The following MAF variants were observed in gnomAD, a reference collection of about 807,000 sequenced individuals.
The protein encoded by MAF is transcription factor Maf.
Under a neutral mutation model 22.0 loss-of-function variants are expected in MAF, and 10 were observed. That is an observed-to-expected ratio of 0.45 (90% CI 0.28 to 0.77). MAF has a LOEUF of 0.77. Ranked by LOEUF, MAF falls within the 30% of genes least tolerant of loss-of-function variation. The pLI is 0.12. For missense variants in MAF, 544 were observed against 548.4 expected (o/e 0.99, Z 0.08); for synonymous variants, 337 against 255.8 (o/e 1.32, Z -3.03).
At chr16:79,384,705 C>G in the MAF span, among the ~76,000 whole-genome samples, 1 of 151,998 alleles carries the variant, frequency 6.6e-6, no homozygotes, top group Admixed American at 6.5e-5. Flanking sequence ...TGCAGTGAGC[C>G]AAGACCACGC....
the MAF span, among the ~76,000 whole-genome samples, chr16:79,545,907 G>A: frequency 1.9e-4 from 29 of 151,828 alleles, no homozygotes; most frequent in African/African-American, 6.8e-4. Flanking sequence ...TCACTACCAA[G>A]AAAAAAATAA....
chr16:79,319,029 C>T, the MAF span, among the ~76,000 whole-genome samples: 12 of 151,986 alleles, frequency 7.9e-5, no homozygotes, highest in South Asian at 4.2e-4. Context: ...CAAGGAAAAC[C>T]GGAAAATTCA....
At chr16:79,341,165 G>A in the MAF span, among the ~76,000 whole-genome samples, 1 of 152,094 alleles carries the variant, frequency 6.6e-6, no homozygotes, top group African/African-American at 2.4e-5. Flanking sequence ...ACAGGTTCTG[G>A]GTCTTGTCAA....
At chr16:79,456,552 T>C in the MAF span, among the ~76,000 whole-genome samples, 1 of 152,130 alleles carries the variant, frequency 6.6e-6, no homozygotes, top group African/African-American at 2.4e-5. Context: ...ACTCCAGAAC[T>C]CTCAACTTTA....
At chr16:79,352,542 A>C in the MAF span, among the ~76,000 whole-genome samples, 61 of 152,324 alleles carry the variant, frequency 4.0e-4, no homozygotes, top group Admixed American at 1.4e-3. Flanking sequence ...GGTGCTAGAA[A>C]TTGGGCTACA....
the MAF span, among the ~76,000 whole-genome samples, chr16:79,407,644 G>C: frequency 1.8e-4 from 27 of 152,050 alleles, no homozygotes; most frequent in Non-Finnish European, 7.4e-5. Flanking sequence ...GGTAATCTCA[G>C]AAGCACATCA....
At chr16:79,207,954 C>T in the MAF span, among the ~76,000 whole-genome samples, 5 of 152,070 alleles carry the variant, frequency 3.3e-5, no homozygotes, top group East Asian at 1.9e-4. Flanking sequence ...ATCCCAACAC[C>T]GAGTTTTGGA....
the MAF span, among the ~76,000 whole-genome samples, chr16:79,463,182 T>C: frequency 0.01 from 1,528 of 152,172 alleles, 15 homozygotes; most frequent in Non-Finnish European, 0.017. Context: ...CCCATGTAGC[T>C]GGAAAGAAAA....
chr16:79,567,118 G>A, the MAF span, among the ~76,000 whole-genome samples: 1 of 152,238 alleles, frequency 6.6e-6, no homozygotes, highest in Admixed American at 6.5e-5. Context: ...AGGAGTTCGA[G>A]ACCAGCCTGG....
chr16:79,420,213 T>C, the MAF span, among the ~76,000 whole-genome samples: 44 of 152,300 alleles, frequency 2.9e-4, no homozygotes, highest in African/African-American at 9.1e-4. Context: ...CCCTCAGATG[T>C]GCTGTTTATA....
At chr16:79,507,913 G>A in the MAF span, among the ~76,000 whole-genome samples, 1 of 152,114 alleles carries the variant, frequency 6.6e-6, no homozygotes, top group South Asian at 2.1e-4. Flanking sequence ...TTACCTGAAA[G>A]CATTAGACTT....
At chr16:79,294,328 G>A in the MAF span, among the ~76,000 whole-genome samples, 1 of 152,190 alleles carries the variant, frequency 6.6e-6, no homozygotes, top group South Asian at 2.1e-4. Context: ...ATTGCTGTTA[G>A]AGTTAAACTG....
chr16:79,488,294 A>G, the MAF span, among the ~76,000 whole-genome samples: 1 of 152,162 alleles, frequency 6.6e-6, no homozygotes, highest in African/African-American at 2.4e-5. Flanking sequence ...CAGGAAGGAG[A>G]AAAACACCTC....
chr16:79,374,304 G>C, the MAF span, among the ~76,000 whole-genome samples: 1 of 152,106 alleles, frequency 6.6e-6, no homozygotes, highest in Admixed American at 6.6e-5. Flanking sequence ...TCTCAGTGTT[G>C]TTCTTGGCTG....
the MAF span, among the ~76,000 whole-genome samples, chr16:79,338,075 A>G: frequency 8.5e-5 from 13 of 152,322 alleles, no homozygotes; most frequent in African/African-American, 2.2e-4. Context: ...TCCAATGGGG[A>G]AAAACACACA....
chr16:79,298,976 G>T, the MAF span, among the ~76,000 whole-genome samples: 2 of 152,274 alleles, frequency 1.3e-5, no homozygotes, highest in Non-Finnish European at 2.9e-5. Flanking sequence ...GCCCACCAAT[G>T]CTTGCTCCTG....
At chr16:79,530,357 T>C in the MAF span, among the ~76,000 whole-genome samples, 1 of 152,070 alleles carries the variant, frequency 6.6e-6, no homozygotes, top group African/African-American at 2.4e-5. Context: ...CACATCAGGG[T>C]CCCAAAGTGC....
At chr16:79,266,900 G>A in the MAF span, among the ~76,000 whole-genome samples, 1 of 152,178 alleles carries the variant, frequency 6.6e-6, no homozygotes, top group Non-Finnish European at 1.5e-5. Context: ...GGGTATCATG[G>A]TAATGACATG....
chr16:79,515,551 A>G, the MAF span, among the ~76,000 whole-genome samples: 1 of 152,222 alleles, frequency 6.6e-6, no homozygotes, highest in South Asian at 2.1e-4. Context: ...CTAGGCTAGG[A>G]TGCTAGGTAG....
Sources: gnomAD v4.1 joint callset for allele counts (sites outside exome capture counted in the v4.1 genomes callset) on GRCh38, gnomAD v4.1.1 for gene constraint, MANE v1.5 for transcripts, NCBI Gene and HGNC (gene_info 2026-07-23, HGNC 2026-07-21) for gene names.